Variants in ADGRL2 observed in about 807,000 individuals in gnomAD.
ADGRL2 encodes the protein adhesion G protein-coupled receptor L2.
A neutral mutation model predicts 157.4 loss-of-function variants in ADGRL2; 44 were observed. The ratio of observed to expected loss-of-function variants is 0.28; its 90% CI spans 0.22 to 0.36. The LOEUF (loss-of-function observed/expected upper bound fraction) is 0.36, where lower values mean the gene tolerates loss of function less well. ADGRL2 is among the 10% of genes least tolerant of loss of function. The probability of loss-of-function intolerance (pLI) is 1.00; values close to 1 mark genes in which losing one functional copy is unlikely to be tolerated. For synonymous variants in ADGRL2, 585 were observed against 624.7 expected, an observed-to-expected ratio of 0.94 and a Z score of 0.95; for missense variants, 1,510 against 1,768.9, an observed-to-expected ratio of 0.85 and a Z score of 2.63.
At chr1:81,712,949 C>G (rs1030455326) in intron 1 of ADGRL2, among the ~76,000 whole-genome samples, 3 of 151,696 alleles carry the variant, frequency 2.0e-5, no homozygotes, top group African/African-American at 7.3e-5. Flanking sequence ...ATAGGGACAG[C>G]ATTTCACCAT....
intron 1 of ADGRL2, among the ~76,000 whole-genome samples, chr1:81,751,417 G>A (rs114284747): frequency 0.023 from 3,458 of 152,138 alleles, 43 homozygotes; most frequent in Middle Eastern, 0.071. Flanking sequence ...TGATTTTTCC[G>A]CCAAAGAGAG....
intron 2 of ADGRL2, among the ~76,000 whole-genome samples, chr1:81,763,759 G>A (rs1214848934): frequency 6.6e-6 from 1 of 151,978 alleles, no homozygotes; most frequent in Non-Finnish European, 1.5e-5. Flanking sequence ...AGTGGCTTAC[G>A]CCTGTGGGAG....
chr1:81,703,630 C>T (rs1291994424), intron 1 of ADGRL2, among the ~76,000 whole-genome samples: 3 of 152,008 alleles, frequency 2.0e-5, no homozygotes, highest in South Asian at 4.2e-4. Context: ...ACTTTATTCT[C>T]GTACCGAAGA....
intron 3 of ADGRL2, among the ~76,000 whole-genome samples, chr1:81,624,629 A>G (rs2081871453): frequency 6.6e-6 from 1 of 152,136 alleles, no homozygotes; most frequent in East Asian, 1.9e-4. Flanking sequence ...GAGATTGGAG[A>G]ACATACTGGT....
Position 81,935,146 on chromosome 1 carries a change from C to T in ADGRL2, c.288-1582C>T, listed in dbSNP as rs140687639. On this transcript the variant is annotated intron_variant, in intron 3 of 23. Transcript: ENST00000686636. The stretch of plus-strand genomic sequence containing the variant: ...TTCTGTGATTCATGTTAAAATAATT[C>T]GTTTACACTAAGTGGTGAACCACTG... 5.3e-5 allele frequency among the ~76,000 whole-genome samples: 8 copies of T among 151,916 alleles called. No homozygotes were observed. The East Asian group carries it at 1.4e-3, about 26-fold the overall frequency.
intron 10 of ADGRL2, 112 bp from the exon 11 acceptor site, chr1:81,955,765 A>C (rs1653311840): frequency 3.1e-6 from 2 of 642,504 alleles, no homozygotes; most frequent in South Asian, 4.8e-5. Flanking sequence ...ATCTTGAAGT[A>C]AGAGTAAATC....
intron 6 of ADGRL2, among the ~76,000 whole-genome samples, chr1:81,946,328 T>C (rs1200472448): frequency 6.6e-6 from 1 of 151,770 alleles, no homozygotes; most frequent in Non-Finnish European, 1.5e-5. Context: ...CATATTATTT[T>C]TGTGCCTTAA....
intron 3 of ADGRL2, among the ~76,000 whole-genome samples, chr1:81,922,762 T>A (rs2095016190): frequency 6.6e-6 from 1 of 152,136 alleles, no homozygotes; most frequent in Non-Finnish European, 1.5e-5. Context: ...ATGCCCATAG[T>A]CCCAGAACTT....
At chr1:81,362,950 A>T (rs2076004145) in intron 1 of ADGRL2, among the ~76,000 whole-genome samples, 1 of 152,016 alleles carries the variant, frequency 6.6e-6, no homozygotes, top group Non-Finnish European at 1.5e-5. Flanking sequence ...GGGACATTCT[A>T]GCACTTTTTC....
chr1:81,465,613 T>C (rs1257960672), intron 2 of ADGRL2, among the ~76,000 whole-genome samples: 2 of 152,126 alleles, frequency 1.3e-5, no homozygotes, highest in African/African-American at 4.8e-5. Context: ...TTTTTCTAGA[T>C]CCCGCAAATG....
chr1:81,781,256 A>G (rs1440531673), intron 2 of ADGRL2, among the ~76,000 whole-genome samples: 3 of 152,110 alleles, frequency 2.0e-5, no homozygotes, highest in Admixed American at 6.6e-5. Flanking sequence ...TTGTAGGTCA[A>G]TGTTTTCCCA....
At chr1:81,456,947 CTCT>C (rs1293181129) in intron 2 of ADGRL2, among the ~76,000 whole-genome samples, 6 of 152,098 alleles carry the variant, frequency 3.9e-5, no homozygotes, top group African/African-American at 1.4e-4. Flanking sequence ...CTCCCTTCCT[CTCT>C]TCTTCTCTTC....
intron 1 of ADGRL2, among the ~76,000 whole-genome samples, chr1:81,418,333 C>T (rs1166335395): frequency 6.6e-6 from 1 of 152,192 alleles, no homozygotes; most frequent in African/African-American, 2.4e-5. Flanking sequence ...TGGCAAAAAC[C>T]CTCCACTTTT....
At position 81,857,972 on chromosome 1, in the gene ADGRL2, A is replaced by G. The variant is rs186389708; in HGVS notation, c.73+20915A>G. 8.7e-4 allele frequency among the ~76,000 whole-genome samples: 132 copies of G among 152,186 alleles called. 1 individual carries two copies. The highest frequency in any genetic ancestry group is 3.1e-3 in the African/African-American group (128 of 41,536). On this transcript the variant is annotated intron_variant, in intron 2 of 23. Coordinates refer to ENST00000686636, the MANE Select transcript of ADGRL2 (RefSeq NM_001366006.2). ...TTGATATTTTTAGAATGGCCCTTGAAAATGTATGGGAATGTATTTTATCTC... is the reference window on the plus strand; with the variant it reads ...TTGATATTTTTAGAATGGCCCTTGAGAATGTATGGGAATGTATTTTATCTC...
intron 1 of ADGRL2, among the ~76,000 whole-genome samples, chr1:81,317,497 T>A (rs994805611): frequency 1.3e-5 from 2 of 152,222 alleles, no homozygotes; most frequent in African/African-American, 4.8e-5. Context: ...TATCCCATTC[T>A]AGACTATAAA....
At chr1:81,940,406 T>C (rs1647454116) in intron 4 of ADGRL2, among the ~76,000 whole-genome samples, 1 of 151,580 alleles carries the variant, frequency 6.6e-6, no homozygotes, top group African/African-American at 2.4e-5. Context: ...GACTAGTGGT[T>C]TATACAAAAG....
intron 2 of ADGRL2, among the ~76,000 whole-genome samples, chr1:81,786,989 G>A (rs2087080471): frequency 6.6e-6 from 1 of 152,080 alleles, no homozygotes. Flanking sequence ...ATGGGGATGG[G>A]GGTGGTTTCC....
At chr1:81,703,354 T>C (rs543569928) in intron 1 of ADGRL2, among the ~76,000 whole-genome samples, 1 of 152,046 alleles carries the variant, frequency 6.6e-6, no homozygotes, top group Non-Finnish European at 1.5e-5. Flanking sequence ...TTAGGGGAAA[T>C]GTGTGATTAA....
At chr1:81,694,531 A>G (rs1010848891) in intron 3 of ADGRL2, among the ~76,000 whole-genome samples, 1 of 152,034 alleles carries the variant, frequency 6.6e-6, no homozygotes, top group African/African-American at 2.4e-5. Flanking sequence ...GCCAGCATCA[A>G]AATAAGATCA....
Sources: allele counts gnomAD v4.1 joint callset (sites outside exome capture counted in the v4.1 genomes callset), GRCh38; gene constraint gnomAD v4.1.1; transcripts MANE v1.5; gene names NCBI Gene and HGNC (gene_info 2026-07-23, HGNC 2026-07-21).